The following MYCBPAP variants were observed in gnomAD, a reference collection of about 807,000 sequenced individuals.
MYCBPAP encodes the protein MYCBP associated protein, also known as MYCBP-associated protein.
A neutral mutation model predicts 106.1 loss-of-function variants in MYCBPAP; 60 were observed. The ratio of observed to expected loss-of-function variants is 0.57; its 90% CI spans 0.46 to 0.70. The LOEUF is 0.70. Ranked by LOEUF, MYCBPAP falls within the 30% of genes least tolerant of loss-of-function variation. The pLI, the probability that MYCBPAP is intolerant of heterozygous loss-of-function variation, is 0.00. For missense variants in MYCBPAP, 1,064 were observed against 1,169.3 expected (o/e 0.91, Z 1.31); for synonymous variants, 407 against 440.6 (o/e 0.92, Z 0.95).
At chr17:50,518,339 G>C (rs754242730) in intron 4 of MYCBPAP, among the ~76,000 whole-genome samples, 2 of 152,250 alleles carry the variant, frequency 1.3e-5, no homozygotes, top group Non-Finnish European at 2.9e-5. Context: ...TTCCCTTTGT[G>C]GGGGAGAGTG....
intron 1 of MYCBPAP, 81 bp from the exon 2 acceptor site, chr17:50,516,489 T>G (rs1338238777): frequency 6.7e-7 from 1 of 1,487,948 alleles, no homozygotes; most frequent in Non-Finnish European, 9.0e-7. Flanking sequence ...GTATATATTT[T>G]TACTTTTATT....
At chr17:50,516,974 C>G (rs1038922093) in intron 2 of MYCBPAP, among the ~76,000 whole-genome samples, 39 of 152,112 alleles carry the variant, frequency 2.6e-4, no homozygotes, top group Non-Finnish European at 1.0e-4. Context: ...TTTCACAGAC[C>G]GGAGGATGAG....
At chr17:50,521,950 T>A in intron 9 of MYCBPAP, 23 bp from the exon 10 acceptor site, 1 of 1,607,626 alleles carries the variant, frequency 6.2e-7, no homozygotes. Flanking sequence ...TAAGAGAAAA[T>A]AAGTCATTGG....
chr17:50,530,050 C>T, intron 18 of MYCBPAP: 1 of 361,038 alleles, frequency 2.8e-6, no homozygotes, highest in Non-Finnish European at 5.6e-6. Flanking sequence ...ATTGTGGTCA[C>T]ACTCTGGATC....
At chr17:50,527,116 G>A in intron 14 of MYCBPAP, 171 bp from the exon 15 acceptor site, 1 of 865,724 alleles carries the variant, frequency 1.2e-6, no homozygotes, top group South Asian at 1.7e-5. Flanking sequence ...CATAGGTACA[G>A]ATTTCTGAGG....
In MYCBPAP at chr17:50,508,538, A is replaced by G. The variant is rs1483435936; in HGVS notation, c.-137A>G. 15 of 1,538,602 alleles carry G rather than the reference A, an allele frequency of 9.7e-6. No individual in the cohort carries two copies. The highest frequency in any genetic ancestry group is 1.4e-5 in the African/African-American group (1 of 71,968). ...TTCCAAGCCGTCTCCGCCCAAGTTG[A>G]TCGGTGGATGCGCGCCCCCGCGCGG... On this transcript the variant is annotated 5_prime_UTR_variant, in exon 1 of 19. Coordinates refer to ENST00000323776, the MANE Select transcript of MYCBPAP (RefSeq NM_032133.6).
intron 18 of MYCBPAP, chr17:50,530,088 C>T: frequency 2.8e-6 from 1 of 358,784 alleles, no homozygotes; most frequent in South Asian, 2.1e-5. Context: ...CCATTTGCCA[C>T]TGGTGACATC....
rs1597830206 is a variant in MYCBPAP at position 50,518,461 on chromosome 17, T to G, written c.469-80T>G. 1.1e-5 allele frequency: 15 copies of G among 1,311,190 alleles called. No homozygotes were observed. The East Asian group carries it at 3.8e-4, about 33-fold the overall frequency. The allele number at this position is 1,311,190 out of a possible 1,614,324, so 81.2% of individuals were successfully genotyped here. A position where few individuals can be genotyped will look rare whatever the true frequency, so the allele number is the denominator to read the frequency against. Reference sequence around the variant, plus strand: ...CAGCGCAGTGGGATAACAGCACGGGTTTAGGCCTCGGGAAATGTGTGCTCA... The same window carrying G: ...CAGCGCAGTGGGATAACAGCACGGGGTTAGGCCTCGGGAAATGTGTGCTCA... On this transcript the variant is annotated intron_variant, in intron 4 of 18. Coordinates refer to ENST00000323776, the MANE Select transcript of MYCBPAP (RefSeq NM_032133.6).
Position 50,508,503 on chromosome 17 carries a change from A to G in MYCBPAP, c.-172A>G, listed in dbSNP as rs1235603269. On this transcript the variant is annotated 5_prime_UTR_variant, in exon 1 of 19. Transcript: ENST00000323776. ...GGCGGGCGCGTGCGCGGCCCGATGAAGAAGGAGGTTTCCAAGCCGTCTCCG... is the reference window on the plus strand; with the variant it reads ...GGCGGGCGCGTGCGCGGCCCGATGAGGAAGGAGGTTTCCAAGCCGTCTCCG... The G allele has an allele frequency of 4.6e-6, 7 of 1,520,672 alleles. No individual in the cohort carries two copies. Among genetic ancestry groups the G allele is most frequent in the Non-Finnish European group, 6.2e-6 (7 of 1,134,202 alleles). 94.2% of individuals were successfully genotyped at this position (1,520,672 alleles called of 1,614,324 possible).
intron 16 of MYCBPAP, 122 bp downstream of exon 16, chr17:50,528,392 G>A: frequency 1.1e-6 from 1 of 910,818 alleles, no homozygotes; most frequent in Non-Finnish European, 1.7e-6. Context: ...TTGAGCCCAT[G>A]GAGTAGGCCC....
intron 1 of MYCBPAP, chr17:50,510,504 T>G (rs1156780339): frequency 7.5e-5 from 7 of 93,546 alleles, no homozygotes; most frequent in African/African-American, 4.5e-4. Flanking sequence ...TGTGTGTATA[T>G]ATATATATAT....
At chr17:50,521,060 A>G in intron 7 of MYCBPAP, 50 bp from the exon 8 acceptor site, 1 of 1,477,976 alleles carries the variant, frequency 6.8e-7, no homozygotes, top group South Asian at 1.2e-5. Context: ...GTGGGTGAGC[A>G]AGGGGACATG....
At position 50,522,156 on chromosome 17, in the gene MYCBPAP, A is replaced by G. The variant is rs543206140; in HGVS notation, c.1257+75A>G. On this transcript the variant is annotated intron_variant, in intron 10 of 18. Coordinates refer to ENST00000323776, the MANE Select transcript of MYCBPAP (RefSeq NM_032133.6). The stretch of plus-strand genomic sequence containing the variant: ...AGCCCTGAGGTGACTGGCAGTTACC[A>G]GCAGCCTGCACAGTCTCCTGTTTGG... 6 of 1,206,110 alleles carry G rather than the reference A, an allele frequency of 5.0e-6. No individual in the cohort carries two copies. In the Admixed American group the frequency reaches 8.9e-5, roughly 18 times the overall value. 74.7% of individuals were successfully genotyped at this position (1,206,110 alleles called of 1,614,324 possible). A position where few individuals can be genotyped will look rare whatever the true frequency, so the allele number is the denominator to read the frequency against.
intron 2 of MYCBPAP, 119 bp downstream of exon 2, chr17:50,516,816 C>T (rs1468199541): frequency 9.3e-7 from 1 of 1,076,182 alleles, no homozygotes; most frequent in African/African-American, 1.6e-5. Flanking sequence ...ATGGAAAAAC[C>T]CACTGAACAC....
chr17:50,512,189 G>C (rs2033879471), intron 1 of MYCBPAP, among the ~76,000 whole-genome samples: 1 of 151,956 alleles, frequency 6.6e-6, no homozygotes, highest in Non-Finnish European at 1.5e-5. Context: ...GAGTAGCTGG[G>C]ACTACAGGTG....
At chr17:50,531,049 G>C (rs2034624584) in intron 18 of MYCBPAP, among the ~76,000 whole-genome samples, 1 of 151,916 alleles carries the variant, frequency 6.6e-6, no homozygotes, top group African/African-American at 2.4e-5. Flanking sequence ...CTACTTGGGA[G>C]GCTGAGATGG....
At chr17:50,524,295 G>C (rs1299996834) in intron 12 of MYCBPAP, among the ~76,000 whole-genome samples, 1 of 152,212 alleles carries the variant, frequency 6.6e-6, no homozygotes, top group Non-Finnish European at 1.5e-5. Context: ...GTGGCCATTT[G>C]AGCCGTGCAT....
Position 50,527,859 on chromosome 17 carries a change from C to T in MYCBPAP, c.2292-296C>T, listed in dbSNP as rs554540914. Among the ~76,000 whole-genome samples the T allele has an allele frequency of 3.9e-5, 6 of 152,306 alleles. No individual in the cohort carries two copies. The East Asian group carries it at 5.8e-4, about 15-fold the overall frequency. On this transcript the variant is annotated intron_variant, in intron 15 of 18. Coordinates refer to ENST00000323776, the MANE Select transcript of MYCBPAP (RefSeq NM_032133.6). ...CATGCAAGGTTCAGCCCCTCCAGTG[C>T]GACTGGACCCAAGTCTGGCCCTGGC...
At chr17:50,531,204 G>T in intron 18 of MYCBPAP, 123 bp from the exon 19 acceptor site, 4 of 609,044 alleles carry the variant, frequency 6.6e-6, no homozygotes, top group East Asian at 3.5e-5. Context: ...CTTTGAACTT[G>T]TGAAATTCTT....
Sources: gnomAD v4.1 joint callset for allele counts (sites outside exome capture counted in the v4.1 genomes callset) on GRCh38, gnomAD v4.1.1 for gene constraint, MANE v1.5 for transcripts, NCBI Gene and HGNC (gene_info 2026-07-23, HGNC 2026-07-21) for gene names.